Variants in ODAD4 observed in about 807,000 individuals in gnomAD.
ODAD4 encodes outer dynein arm docking complex subunit 4, also known as outer dynein arm-docking complex subunit 4.
Under a neutral mutation model 51.8 loss-of-function variants are expected in ODAD4, and 49 were observed. That is an observed-to-expected ratio of 0.95 (90% confidence interval 0.75 to 1.20). The LOEUF (loss-of-function observed/expected upper bound fraction) is 1.20. Among genes scored for constraint, ODAD4 ranks in the 50% most tolerant of loss-of-function variants. ODAD4 has a pLI of 0.00. For missense variants in ODAD4, 590 were observed against 586.5 expected, an observed-to-expected ratio of 1.01 and a Z score of -0.06; for synonymous variants, 235 against 221.3, an observed-to-expected ratio of 1.06 and a Z score of -0.55.
At chr17:41,961,125 T>G (rs1292498638) in intron 10 of ODAD4, among the ~76,000 whole-genome samples, 1 of 152,194 alleles carries the variant, frequency 6.6e-6, no homozygotes, top group Non-Finnish European at 1.5e-5. Flanking sequence ...TAGACACAAC[T>G]CCCAATACAT....
rs781802415 is a variant in ODAD4, at chr17:41,938,662, C to T, written c.731C>T (p.Pro244Leu). The T allele has an allele frequency of 1.7e-5, 27 of 1,613,788 alleles. No homozygotes were observed. Among genetic ancestry groups the T allele is most frequent in the Non-Finnish European group, 2.0e-5 (24 of 1,179,894 alleles). ...THSNFWRQQK[P>L]IYARERDRKL... ...AGCAACTTCTGGAGGCAGCAGAAGC[C>T]GATCTACGCCAGGGAGCGGGACCGG... Residue 244 changes from proline (P) to leucine (L), a missense_variant, in exon 6 of 12, where the codon CCG becomes CTG. Physicochemically the swap from Pro to Leu is moderately conservative, Grantham distance 98. This residue lies in a region of ODAD4 where 360 missense variants were observed against 407.5 expected (regional missense o/e 0.88). Coordinates refer to ENST00000377540, the MANE Select transcript of ODAD4 (RefSeq NM_031421.5).
chr17:41,960,455 A>AAAAC (rs782286501), intron 10 of ODAD4, among the ~76,000 whole-genome samples: 4 of 151,692 alleles, frequency 2.6e-5, no homozygotes, highest in Non-Finnish European at 4.4e-5. Context: ...CTCAAAAAAA[A>AAAAC]AAACAAACAA....
chr17:41,961,588 A>G, intron 11 of ODAD4, 122 bp downstream of exon 11: 6 of 655,184 alleles, frequency 9.2e-6, no homozygotes, highest in Non-Finnish European at 1.7e-5. Context: ...CCCATCGTGC[A>G]TTCTAATTTC....
chr17:41,939,896 A>G (rs2050483250), intron 7 of ODAD4, among the ~76,000 whole-genome samples: 1 of 152,170 alleles, frequency 6.6e-6, no homozygotes, highest in African/African-American at 2.4e-5. Flanking sequence ...TAGCTCCCTC[A>G]GCCTCAGGGT....
At chr17:41,954,312 A>G (rs2050698732) in intron 9 of ODAD4, among the ~76,000 whole-genome samples, 1 of 152,062 alleles carries the variant, frequency 6.6e-6, no homozygotes, top group Non-Finnish European at 1.5e-5. Context: ...ATTTTTTAAA[A>G]TGAAATGAAG....
intron 1 of ODAD4, among the ~76,000 whole-genome samples, chr17:41,931,332 A>G (rs1555636794): frequency 6.6e-6 from 1 of 152,020 alleles, no homozygotes; most frequent in East Asian, 1.9e-4. Flanking sequence ...ATTTTCTACC[A>G]GTTCCCACTT....
chr17:41,965,890 C>G lies in ODAD4; in HGVS notation c.*407C>G, dbSNP rs1555642662. ...CAGCGGGGAGGCTTTATGGATGGAACAGTGGTGGGGCGGCCCCAGCTGTCA... is the reference window on the plus strand; with the variant it reads ...CAGCGGGGAGGCTTTATGGATGGAAGAGTGGTGGGGCGGCCCCAGCTGTCA... On this transcript the variant is annotated 3_prime_UTR_variant, in exon 12 of 12. Coordinates refer to ENST00000377540, the MANE Select transcript of ODAD4 (RefSeq NM_031421.5). Among the ~76,000 whole-genome samples, 1 of 152,126 alleles carries G rather than the reference C, an allele frequency of 6.6e-6. No homozygotes were observed. The highest frequency in any genetic ancestry group is 1.5e-5 in the Non-Finnish European group (1 of 68,028).
chr17:41,945,153 A>C lies in ODAD4; in HGVS notation c.1076A>C (p.Lys359Thr). ...IAKEYDLPDA[K>T]SRALDNIGRV... The stretch of plus-strand genomic sequence containing the variant: ...CCCCACAGTGACCTTCCTGATGCAA[A>C]ATCGAGAGCCCTTGACAACATTGGC... The change falls in exon 8 of 12, where the codon AAA becomes ACA. Residue 359 changes from lysine to threonine, a missense_variant. Lys to Thr is a moderately conservative substitution (Grantham distance 78, BLOSUM62 -1). Coordinates refer to ENST00000377540, the MANE Select transcript of ODAD4 (RefSeq NM_031421.5). 1.2e-6 allele frequency: 2 copies of C among 1,613,320 alleles called. No individual in the cohort carries two copies. Among genetic ancestry groups the C allele is most frequent in the South Asian group, 2.2e-5 (2 of 90,762 alleles).
At chr17:41,962,306 G>A (rs2050816047) in intron 11 of ODAD4, among the ~76,000 whole-genome samples, 1 of 152,204 alleles carries the variant, frequency 6.6e-6, no homozygotes, top group Non-Finnish European at 1.5e-5. Context: ...GTGCAGAGGG[G>A]CATAAGGTGC....
chr17:41,961,323 G>A (rs1267815027), intron 10 of ODAD4, 59 bp from the exon 11 acceptor site: 4 of 712,678 alleles, frequency 5.6e-6, no homozygotes, highest in African/African-American at 5.3e-5. Flanking sequence ...GATCTGGGTG[G>A]GGAAAATTAA....
intron 7 of ODAD4, among the ~76,000 whole-genome samples, chr17:41,942,872 T>C (rs1555638870): frequency 6.6e-6 from 1 of 152,078 alleles, no homozygotes; most frequent in Non-Finnish European, 1.5e-5. Context: ...TTTTTTGTTT[T>C]GTTTTTTAGC....
rs879985039 is a variant in ODAD4, at chr17:41,944,445, C to CACACA, written c.1059-691_1059-690insACACA. On this transcript the variant is annotated intron_variant, in intron 7 of 11. Coordinates refer to ENST00000377540, the MANE Select transcript of ODAD4 (RefSeq NM_031421.5). ...ACACACACACACACACACACACACACCCCCCCGCATACACAGAAATTGCCT... is the reference window on the plus strand; with the variant it reads ...ACACACACACACACACACACACACACACACACCCCCCGCATACACAGAAATTGCCT... 6.5e-3 allele frequency among the ~76,000 whole-genome samples: 23 copies of CACACA among 3,528 alleles called. 1 individual carries two copies. The East Asian group carries it at 0.079, about 12-fold the overall frequency. 2.3% of individuals were successfully genotyped at this position (3,528 alleles called of 152,430 possible).
chr17:41,940,234 C>A (rs1809667418), intron 7 of ODAD4, among the ~76,000 whole-genome samples: 1 of 152,172 alleles, frequency 6.6e-6, no homozygotes, highest in Non-Finnish European at 1.5e-5. Flanking sequence ...CTTCCCCTGC[C>A]TCTGCTGTCT....
intron 9 of ODAD4, chr17:41,952,813 A>C (rs1202225926): frequency 1.6e-5 from 5 of 314,188 alleles, no homozygotes; most frequent in Non-Finnish European, 3.3e-5. Flanking sequence ...TTCATGGCTC[A>C]CTGCAGCCTC....
At chr17:41,947,201 C>T (rs893794918) in intron 8 of ODAD4, among the ~76,000 whole-genome samples, 45 of 148,080 alleles carry the variant, frequency 3.0e-4, no homozygotes, top group South Asian at 1.4e-3. Context: ...AGGCCGGGCG[C>T]GGTGGCTCAC....
chr17:41,945,045 C>T, intron 7 of ODAD4, 91 bp from the exon 8 acceptor site: 1 of 1,017,068 alleles, frequency 9.8e-7, no homozygotes, highest in Non-Finnish European at 1.5e-6. Context: ...TTTCTGAGGC[C>T]AGGGCTCCTG....
chr17:41,936,524 A>G lies in ODAD4; in HGVS notation c.449A>G (p.Lys150Arg), dbSNP rs370585734. 3.1e-6 allele frequency: 5 copies of G among 1,613,032 alleles called. No homozygotes were observed. The African/African-American group carries it at 6.7e-5, about 22-fold the overall frequency. Residue 150 changes from lysine (K) to arginine (R), a missense_variant, in exon 4 of 12, where the codon AAG becomes AGG. This residue lies in a region of ODAD4 where 360 missense variants were observed against 407.5 expected (regional missense o/e 0.88). Transcript: ENST00000377540. ...ENKGDLSFLS[K>R]QAENIKAQQK... is the part of the protein sequence containing the mutation. ...AAAGGGGACCTCTCCTTCTTAAGCA[A>G]GCAGGCTGAGGTAAGGGCCCTGGTT...
intron 5 of ODAD4, 99 bp downstream of exon 5, chr17:41,937,026 C>A: frequency 1.5e-6 from 2 of 1,369,024 alleles, no homozygotes; most frequent in Non-Finnish European, 2.0e-6. Context: ...ATAATATTAG[C>A]TGACGTGTAC....
intron 1 of ODAD4, 35 bp from the exon 2 acceptor site, chr17:41,935,182 A>T: frequency 6.2e-7 from 1 of 1,613,008 alleles, no homozygotes; most frequent in Non-Finnish European, 8.5e-7. Context: ...CTTGCTCTTC[A>T]TGCTGGCTGT....
Sources: allele counts gnomAD v4.1 joint callset (sites outside exome capture counted in the v4.1 genomes callset), GRCh38; gene constraint gnomAD v4.1.1; regional missense constraint gnomAD v4.1.1; transcripts MANE v1.5; gene names NCBI Gene and HGNC (gene_info 2026-07-23, HGNC 2026-07-21).